The following PRKAR2A variants were observed in gnomAD, a reference collection of about 807,000 sequenced individuals.
PRKAR2A encodes protein kinase cAMP-dependent type II regulatory subunit alpha.
A neutral mutation model predicts 51.9 loss-of-function variants in PRKAR2A; 29 were observed. That is an observed-to-expected ratio of 0.56 (90% CI 0.42 to 0.76). The LOEUF (loss-of-function observed/expected upper bound fraction) is 0.76, where lower values mean the gene tolerates loss of function less well. PRKAR2A is among the 30% of genes least tolerant of loss of function. The probability of loss-of-function intolerance (pLI) is 0.00; values close to 1 mark genes in which losing one functional copy is unlikely to be tolerated. For missense variants in PRKAR2A, 445 were observed against 512.1 expected (o/e 0.87, Z 1.26); for synonymous variants, 178 against 186.2 (o/e 0.96, Z 0.36).
intron 2 of PRKAR2A, among the ~76,000 whole-genome samples, chr3:48,795,254 T>C (rs2082472226): frequency 6.6e-6 from 1 of 152,078 alleles, no homozygotes; most frequent in Non-Finnish European, 1.5e-5. Context: ...ATTACAGGCG[T>C]GAGCCACCGC....
chr3:48,752,134 A>T, intron 10 of PRKAR2A, 42 bp downstream of exon 10: 1 of 1,592,526 alleles, frequency 6.3e-7, no homozygotes, highest in Non-Finnish European at 8.5e-7. Flanking sequence ...AAAATATTAC[A>T]TGTTAGAAAA....
chr3:48,782,438 CTT>C (rs796833465), intron 5 of PRKAR2A, among the ~76,000 whole-genome samples: 4 of 145,292 alleles, frequency 2.8e-5, no homozygotes. Flanking sequence ...AGGAGACTTT[CTT>C]TTTTTTTTTT....
At chr3:48,795,121 C>T (rs898875524) in intron 2 of PRKAR2A, among the ~76,000 whole-genome samples, 7 of 152,084 alleles carry the variant, frequency 4.6e-5, no homozygotes, top group Non-Finnish European at 1.0e-4. Context: ...GGACTACAGG[C>T]GCCTGCAACC....
intron 5 of PRKAR2A, among the ~76,000 whole-genome samples, chr3:48,778,354 C>CCAAA (rs1411234610): frequency 6.6e-6 from 1 of 152,016 alleles, no homozygotes; most frequent in Non-Finnish European, 1.5e-5. Context: ...CAGGGTCTCA[C>CCAAA]TTTGTCCCCC....
At chr3:48,826,259 CT>C (rs1212467164) in intron 1 of PRKAR2A, among the ~76,000 whole-genome samples, 1 of 152,118 alleles carries the variant, frequency 6.6e-6, no homozygotes, top group African/African-American at 2.4e-5. Context: ...GAAGAAGACC[CT>C]TGTCTCAAAA....
Position 48,751,571 on chromosome 3 carries a change from G to T in PRKAR2A, c.*14C>A. ...TTTGGTGTCACACTAAGAAGGCTCT[G>T]GGGTGTGGCACACCTACTGCCCGAG... On this transcript the variant is annotated 3_prime_UTR_variant, in exon 11 of 11. Transcript: ENST00000265563. 4 of 1,609,416 alleles carry T rather than the reference G, an allele frequency of 2.5e-6. No homozygotes were observed. The highest frequency in any genetic ancestry group is 3.4e-6 in the Non-Finnish European group (4 of 1,176,966).
intron 4 of PRKAR2A, among the ~76,000 whole-genome samples, chr3:48,787,039 A>G (rs915175637): frequency 6.6e-6 from 1 of 152,194 alleles, no homozygotes; most frequent in African/African-American, 2.4e-5. Flanking sequence ...AAAGACAAGT[A>G]AAGACTGAAA....
Position 48,773,013 on chromosome 3 carries a change from T to C in PRKAR2A, c.638A>G (p.Tyr213Cys). 2 of 1,613,934 alleles carry C rather than the reference T, an allele frequency of 1.2e-6. No individual in the cohort carries two copies. The highest frequency in any genetic ancestry group is 1.7e-6 in the Non-Finnish European group (2 of 1,179,886). ...AATGGTAGCAGCTCTCGGGGTGTTG[T>C]ACATCAGAGCTAGTTCTCCAAAACT... ...RGSFGELALMYNTPRAATIVA... is the reference protein window; with the variant it reads ...RGSFGELALMCNTPRAATIVA... The change falls in exon 6 of 11, where the codon TAC becomes TGC. Residue 213 changes from tyrosine (Y) to cysteine (C), a missense_variant. Transcript: ENST00000265563.
chr3:48,767,784 C>T (rs1403960192), intron 6 of PRKAR2A, among the ~76,000 whole-genome samples: 1 of 151,476 alleles, frequency 6.6e-6, no homozygotes, highest in African/African-American at 2.4e-5. Context: ...ATTAGCTGGG[C>T]ATGGCGGCAC....
chr3:48,760,835 C>CAA (rs538538946), intron 8 of PRKAR2A, among the ~76,000 whole-genome samples: 12 of 64,294 alleles, frequency 1.9e-4, no homozygotes, highest in East Asian at 1.1e-3. Flanking sequence ...AACTCCGTCT[C>CAA]AAAAAAAAAA....
intron 1 of PRKAR2A, among the ~76,000 whole-genome samples, chr3:48,807,909 A>G (rs919517648): frequency 5.9e-5 from 9 of 152,214 alleles, no homozygotes; most frequent in Non-Finnish European, 1.0e-4. Flanking sequence ...TACCTTCAAT[A>G]TATTCAACCT....
chr3:48,839,400 T>TAA (rs201427924), intron 1 of PRKAR2A, among the ~76,000 whole-genome samples: 9 of 117,274 alleles, frequency 7.7e-5, no homozygotes, highest in South Asian at 2.7e-4. Context: ...AGCTGTTACC[T>TAA]AAAAAAAAAA....
chr3:48,783,077 C>T lies in PRKAR2A; in HGVS notation c.451G>A (p.Val151Ile). The T allele has an allele frequency of 6.2e-7, 1 of 1,612,722 alleles. No homozygotes were observed. The change falls in exon 5 of 11, where the codon GTT becomes ATT. Residue 151 changes from valine to isoleucine, a missense_variant. Physicochemically the swap from Val to Ile is conservative, Grantham distance 29 (BLOSUM62 3). Transcript: ENST00000265563. ...ATCCTTTCAAACATGGCATCGAGAACTTGAGAAAGCTGTTCCTGCAGGGTA... is the reference window on the plus strand; with the variant it reads ...ATCCTTTCAAACATGGCATCGAGAATTTGAGAAAGCTGTTCCTGCAGGGTA... ...KNLDQEQLSQ[V>I]LDAMFERIVK...
At chr3:48,751,999 T>C (rs2081655635) in intron 10 of PRKAR2A, among the ~76,000 whole-genome samples, 177 bp downstream of exon 10, 2 of 152,172 alleles carry the variant, frequency 1.3e-5, no homozygotes, top group African/African-American at 4.8e-5. Flanking sequence ...TCACAGGCTG[T>C]CATCAGTACT....
intron 8 of PRKAR2A, among the ~76,000 whole-genome samples, chr3:48,756,669 G>A (rs142961588): frequency 3.9e-5 from 6 of 152,142 alleles, no homozygotes; most frequent in Non-Finnish European, 8.8e-5. Flanking sequence ...TTGGGAGGAC[G>A]TCTGAGTCAG....
chr3:48,766,230 T>TCAA (rs370460045), intron 6 of PRKAR2A, among the ~76,000 whole-genome samples: 75 of 147,952 alleles, frequency 5.1e-4, no homozygotes, highest in Middle Eastern at 3.6e-3. Flanking sequence ...AACAACAATA[T>TCAA]CAACAACAAC....
chr3:48,774,475 G>A (rs954143061), intron 5 of PRKAR2A, among the ~76,000 whole-genome samples: 2 of 151,638 alleles, frequency 1.3e-5, no homozygotes, highest in Non-Finnish European at 2.9e-5. Context: ...ACAATCCTGG[G>A]CAACGTATGG....
At chr3:48,789,137 T>C (rs1470423925) in intron 4 of PRKAR2A, among the ~76,000 whole-genome samples, 3 of 152,356 alleles carry the variant, frequency 2.0e-5, no homozygotes, top group South Asian at 4.1e-4. Context: ...CATGCAAATC[T>C]GAGCATTTCC....
chr3:48,835,636 T>C (rs1444764320), intron 1 of PRKAR2A, among the ~76,000 whole-genome samples: 3 of 127,546 alleles, frequency 2.4e-5, no homozygotes, highest in Non-Finnish European at 3.2e-5. Context: ...CAAGACTCCG[T>C]CTCAAAAAAA....
Sources: allele counts gnomAD v4.1 joint callset (sites outside exome capture counted in the v4.1 genomes callset), GRCh38; gene constraint gnomAD v4.1.1; transcripts MANE v1.5; gene names NCBI Gene and HGNC (gene_info 2026-07-23, HGNC 2026-07-21).